Variants in ARSL observed in about 807,000 individuals in gnomAD.
ARSL encodes the protein arylsulfatase E (chondrodysplasia punctata 1).
Under a neutral mutation model 31.1 loss-of-function variants are expected in ARSL, and 4 were observed. The ratio of observed to expected loss-of-function variants is 0.13; its 90% CI spans 0.06 to 0.29. The LOEUF (loss-of-function observed/expected upper bound fraction) is 0.29. Ranked by LOEUF, ARSL falls within the 10% of genes least tolerant of loss-of-function variation. The pLI is 1.00. For synonymous variants in ARSL, 198 were observed against 209.9 expected, an observed-to-expected ratio of 0.94 and a Z score of 0.49; for missense variants, 312 against 497.8, an observed-to-expected ratio of 0.63 and a Z score of 3.55.
rs1217317360 is a variant in ARSL, at chrX:2,938,276, A to G, written c.1127-19T>C. The G allele has an allele frequency of 8.3e-7, 1 of 1,208,354 alleles. No homozygotes were observed. Among genetic ancestry groups the G allele is most frequent in the African/African-American group, 1.7e-5 (1 of 57,256 alleles). On this transcript the variant is annotated intron_variant, in intron 8 of 10. Coordinates refer to ENST00000381134, the MANE Select transcript of ARSL (RefSeq NM_000047.3). ...TTCCCACCTGGGTTTGAACAGAAAC[A>G]AAAGAAAGTGGTTAAAAACCAGAAA...
chrX:2,967,996 GATT>G (rs1367070012), upstream of ARSL, among the ~76,000 whole-genome samples: 5 of 112,152 alleles, frequency 4.5e-5, no homozygotes, highest in East Asian at 8.4e-4. Context: ...TTTCACTGAT[GATT>G]ATTATTATTT....
intron 4 of ARSL, among the ~76,000 whole-genome samples, chrX:2,954,835 TG>T (rs771399300): frequency 3.1e-4 from 34 of 111,333 alleles, no homozygotes; most frequent in African/African-American, 1.0e-3. Flanking sequence ...GGGGAAAGCA[TG>T]GAAAAAGCCT....
chrX:2,948,323 G>C (rs2089412998), intron 6 of ARSL, among the ~76,000 whole-genome samples: 1 of 111,289 alleles, frequency 9.0e-6, no homozygotes, highest in South Asian at 3.8e-4. Context: ...CCATAAAATT[G>C]ACCGCAGGCT....
Position 2,960,422 on chromosome X carries a change from T to G in ARSL, c.-20-2A>C, listed in dbSNP as rs748774608. 3.3e-6 allele frequency: 4 copies of G among 1,206,819 alleles called. No homozygotes were observed. In the East Asian group the frequency reaches 1.2e-4, roughly 36 times the overall value. On this transcript the variant is annotated splice_acceptor_variant, in intron 1 of 10. Transcript: ENST00000381134. LOFTEE classifies it low-confidence loss of function (5UTR_SPLICE). ...ACATGTTGTCTCTCTCTCTACTTCC[T>G]GTAAGACATAAAGATGTCCACAATC... is the stretch of plus-strand genomic sequence containing the variant.
At chrX:2,957,578 G>A (rs1489748065) in intron 3 of ARSL, among the ~76,000 whole-genome samples, 2 of 108,927 alleles carry the variant, frequency 1.8e-5, no homozygotes, top group Admixed American at 2.0e-4. Flanking sequence ...GCATGGTGGC[G>A]GGCGCCTGTA....
At chrX:2,964,481 ATTTTG>A, upstream of ARSL, 1 of 748,717 alleles carries the variant, frequency 1.3e-6, no homozygotes, top group Non-Finnish European at 1.6e-6. Flanking sequence ...TTAGGTTTTT[ATTTTG>A]TTTTATTTTT....
At chrX:2,959,716 T>C in intron 2 of ARSL, 1 of 1,146,498 alleles carries the variant, frequency 8.7e-7, no homozygotes, top group Non-Finnish European at 1.1e-6. Context: ...ATTCTCCAGA[T>C]GCAGGATAAA....
chrX:2,966,059 C>T (rs2089697026), upstream of ARSL, among the ~76,000 whole-genome samples: 1 of 112,121 alleles, frequency 8.9e-6, no homozygotes, highest in Non-Finnish European at 1.9e-5. Context: ...CATAGAGTTC[C>T]ACCTGCTGTC....
chrX:2,953,214 C>G lies in ARSL; in HGVS notation c.359G>C (p.Gly120Ala). 8.3e-7 allele frequency: 1 copy of G among 1,210,607 alleles called. No individual in the cohort carries two copies. Among genetic ancestry groups the G allele is most frequent in the Non-Finnish European group, 1.1e-6 (1 of 894,518 alleles). The change falls in exon 5 of 11, where the codon GGA becomes GCA. Residue 120 changes from glycine to alanine, a missense_variant. Transcript: ENST00000381134. ...YRVLQWTGAS[G>A]GLPTNETTFA... ...AGTTGTCTCATTTGTTGGAAGACCT[C>G]CAGATGCTCCGGTCCACTGAAGAAC...
At chrX:2,944,462 AAC>A (rs1456677705) in intron 7 of ARSL, among the ~76,000 whole-genome samples, 113 of 56,681 alleles carry the variant, frequency 2.0e-3, no homozygotes, top group African/African-American at 4.9e-3. Context: ...TCAAAAAAAA[AAC>A]AAAAAAAACA....
At chrX:2,936,655 C>T in intron 10 of ARSL, 87 bp downstream of exon 10, 7 of 1,130,895 alleles carry the variant, frequency 6.2e-6, no homozygotes, top group Non-Finnish European at 8.4e-6. Flanking sequence ...AATGCAGCTC[C>T]ATCCCTAGCC....
rs555426001 is a variant in ARSL, at chrX:2,960,410, C to G, written c.-10G>C. Reference sequence around the variant, plus strand: ...GGTGCAGATGTAACATGTTGTCTCTCTCTCTACTTCCTGTAAGACATAAAG... The same window carrying G: ...GGTGCAGATGTAACATGTTGTCTCTGTCTCTACTTCCTGTAAGACATAAAG... On this transcript the variant is annotated 5_prime_UTR_variant, in exon 2 of 11. Transcript: ENST00000381134. 6.3e-4 allele frequency: 760 copies of G among 1,200,900 alleles called. 4 individuals carry two copies. In the South Asian group the frequency reaches 0.013, roughly 20 times the overall value.
chrX:2,959,296 C>T (rs994484839), intron 2 of ARSL, among the ~76,000 whole-genome samples: 4 of 111,883 alleles, frequency 3.6e-5, no homozygotes, highest in African/African-American at 6.5e-5. Context: ...CTTTAGCCCA[C>T]TGGTATCTGA....
At chrX:2,953,355 TA>T in intron 4 of ARSL, 90 bp from the exon 5 acceptor site, 1 of 1,023,437 alleles carries the variant, frequency 9.8e-7, no homozygotes, top group South Asian at 2.1e-5. Flanking sequence ...GAACACTTGG[TA>T]AAAATCTCTC....
At chrX:2,960,912 T>C (rs2089621486) in intron 1 of ARSL, among the ~76,000 whole-genome samples, 1 of 110,531 alleles carries the variant, frequency 9.0e-6, no homozygotes, top group African/African-American at 3.3e-5. Flanking sequence ...GAGTAGAGGG[T>C]ATGAAGATCA....
chrX:2,939,591 A>G (rs896215542), intron 8 of ARSL, among the ~76,000 whole-genome samples: 4 of 111,300 alleles, frequency 3.6e-5, no homozygotes, highest in African/African-American at 1.3e-4. Context: ...CCCGTTTTAC[A>G]TATGTACTAG....
At chrX:2,958,044 T>A (rs2089550855) in intron 3 of ARSL, among the ~76,000 whole-genome samples, 1 of 110,957 alleles carries the variant, frequency 9.0e-6, no homozygotes, top group Non-Finnish European at 1.9e-5. Context: ...AAAATAAAAA[T>A]AAATAAATAA....
chrX:2,948,422 A>G (rs1429136901), intron 6 of ARSL, among the ~76,000 whole-genome samples: 1 of 111,619 alleles, frequency 9.0e-6, no homozygotes, highest in Non-Finnish European at 1.9e-5. Context: ...GATGCAGGTT[A>G]CTTAAATAGT....
intron 8 of ARSL, among the ~76,000 whole-genome samples, chrX:2,941,470 G>T (rs1219376875): frequency 9.0e-6 from 1 of 110,668 alleles, no homozygotes; most frequent in East Asian, 2.8e-4. Context: ...GGCCAGGCTG[G>T]TCTCGAACTC....
Sources: gnomAD v4.1 joint callset for allele counts (sites outside exome capture counted in the v4.1 genomes callset) on GRCh38, gnomAD v4.1.1 for gene constraint, MANE v1.5 for transcripts, NCBI Gene and HGNC (gene_info 2026-07-23, HGNC 2026-07-21) for gene names.